AMN1: variants seen among roughly 807,000 people sequenced by gnomAD.
AMN1 encodes protein AMN1 homolog.
In AMN1, 20 loss-of-function variants were observed where a neutral mutation model predicts 33.0. That is an observed-to-expected ratio of 0.61 (90% confidence interval 0.43 to 0.88). AMN1 has a LOEUF of 0.88. Ranked by LOEUF, AMN1 falls within the 40% of genes least tolerant of loss-of-function variation. The pLI is 0.00. For synonymous variants in AMN1, 114 were observed against 111.9 expected (o/e 1.02, Z -0.12); for missense variants, 246 against 307.4 (o/e 0.80, Z 1.49).
intron 2 of AMN1, among the ~76,000 whole-genome samples, chr12:31,702,526 C>T (rs1939051386): frequency 1.3e-5 from 2 of 151,898 alleles, no homozygotes; most frequent in African/African-American, 4.8e-5. Context: ...TAGATTAATT[C>T]CTAAGCATTC....
chr12:31,671,606 T>C lies in AMN1; in HGVS notation c.*698A>G, dbSNP rs899513312. 2 of 152,328 alleles carry C rather than the reference T, an allele frequency of 1.3e-5. No homozygotes were observed. Among genetic ancestry groups the C allele is most frequent in the African/African-American group, 4.8e-5 (2 of 41,580 alleles). 9.4% of individuals were successfully genotyped at this position (152,328 alleles called of 1,614,324 possible). A position where few individuals can be genotyped will look rare whatever the true frequency, so the allele number is the denominator to read the frequency against. ...TGTAGTGATATTCTGTATTTACTCA[T>C]TTTTACACATTTTTGAATGCAATTT... On this transcript the variant is annotated 3_prime_UTR_variant, in exon 7 of 7. Coordinates refer to ENST00000281471, the MANE Select transcript of AMN1 (RefSeq NM_001113402.2).
intron 1 of AMN1, among the ~76,000 whole-genome samples, chr12:31,728,377 T>G (rs1940167179): frequency 6.6e-6 from 1 of 152,188 alleles, no homozygotes; most frequent in Non-Finnish European, 1.5e-5. Context: ...TTTAAATTTA[T>G]CCCTCAGGAC....
At chr12:31,728,852 C>G in intron 1 of AMN1, 119 bp downstream of exon 1, 1 of 1,194,860 alleles carries the variant, frequency 8.4e-7, no homozygotes, top group East Asian at 2.8e-5. Flanking sequence ...CACGCGGGGC[C>G]TCTTCAGAGG....
intron 6 of AMN1, among the ~76,000 whole-genome samples, chr12:31,676,708 A>G (rs1937723953): frequency 6.6e-6 from 1 of 151,682 alleles, no homozygotes; most frequent in Non-Finnish European, 1.5e-5. Context: ...AACATATATA[A>G]AATTTGTCTT....
intron 3 of AMN1, among the ~76,000 whole-genome samples, chr12:31,700,217 G>A (rs1490180719): frequency 2.0e-5 from 3 of 151,282 alleles, no homozygotes; most frequent in South Asian, 2.1e-4. Flanking sequence ...TAAAAAATTC[G>A]CAGTGGGTGG....
At chr12:31,700,755 T>C (rs2139693013) in intron 3 of AMN1, among the ~76,000 whole-genome samples, 1 of 152,216 alleles carries the variant, frequency 6.6e-6, no homozygotes, top group South Asian at 2.1e-4. Flanking sequence ...AGTGGCGCAA[T>C]CTCGGCTCAC....
chr12:31,704,676 G>A (rs1939148586), intron 2 of AMN1, among the ~76,000 whole-genome samples: 1 of 152,108 alleles, frequency 6.6e-6, no homozygotes, highest in Non-Finnish European at 1.5e-5. Context: ...GTGTCACTTT[G>A]TAATGGATGT....
At chr12:31,722,461 G>T (rs1174184829) in intron 1 of AMN1, among the ~76,000 whole-genome samples, 1 of 152,080 alleles carries the variant, frequency 6.6e-6, no homozygotes, top group Non-Finnish European at 1.5e-5. Flanking sequence ...TCCACTAAAA[G>T]AAATTTCTGA....
At chr12:31,680,403 G>C (rs1937952974) in intron 6 of AMN1, among the ~76,000 whole-genome samples, 1 of 152,044 alleles carries the variant, frequency 6.6e-6, no homozygotes, top group Non-Finnish European at 1.5e-5. Context: ...GTTTCACCAT[G>C]TTGGCCAAGC....
chr12:31,710,628 C>T (rs544221369), intron 1 of AMN1, among the ~76,000 whole-genome samples: 4 of 151,470 alleles, frequency 2.6e-5, no homozygotes, highest in African/African-American at 9.7e-5. Context: ...TTTCCTAAAA[C>T]GGCACCACAG....
rs1292348543 is a variant in AMN1 at position 31,701,991 on chromosome 12, A to T, written c.188T>A (p.Val63Asp). 6.3e-7 allele frequency: 1 copy of T among 1,599,112 alleles called. No individual in the cohort carries two copies. The change falls in exon 3 of 7, where the codon GTC becomes GAC. Residue 63 changes from valine (V) to aspartate (D), a missense_variant. Val to Asp is a radical substitution (Grantham distance 152). Transcript: ENST00000281471. ...SNISEILHPE[V>D]QTLDLRSCDI... Reference sequence around the variant, plus strand: ...GCAGCTCCGTAGATCTAGAGTTTGGACTTCAGGATGTAAAATCTATAACAA... The same window carrying T: ...GCAGCTCCGTAGATCTAGAGTTTGGTCTTCAGGATGTAAAATCTATAACAA...
chr12:31,689,059 A>T lies in AMN1; in HGVS notation c.651T>A (p.Thr217=). The T allele has an allele frequency of 6.2e-7, 1 of 1,613,744 alleles. No individual in the cohort carries two copies. Among genetic ancestry groups the T allele is most frequent in the Non-Finnish European group, 8.5e-7 (1 of 1,179,762 alleles). The part of the protein sequence containing the change: ...LTDGAVEAVL[T]YCPQIRILLF... ...GTAATATACGTATTTGAGGACAGTA[A>T]GTAAGGACAGCTTCGACAGCCCCAT... Residue 217 remains threonine (T), a synonymous_variant, in exon 6 of 7, where the codon ACT becomes ACA. Coordinates refer to ENST00000281471, the MANE Select transcript of AMN1 (RefSeq NM_001113402.2).
At chr12:31,688,108 C>T (rs1027646456) in intron 6 of AMN1, among the ~76,000 whole-genome samples, 9 of 152,138 alleles carry the variant, frequency 5.9e-5, no homozygotes, top group Non-Finnish European at 1.2e-4. Context: ...GTGCGCACCA[C>T]CACACCTGGC....
intron 6 of AMN1, 73 bp downstream of exon 6, chr12:31,688,932 GTT>G: frequency 1.1e-6 from 1 of 894,846 alleles, no homozygotes; most frequent in Non-Finnish European, 1.8e-6. Context: ...AATGAAATGG[GTT>G]AAGTAATGTA....
intron 1 of AMN1, among the ~76,000 whole-genome samples, chr12:31,724,552 C>A (rs563256069): frequency 4.3e-4 from 65 of 152,046 alleles, no homozygotes; most frequent in Non-Finnish European, 7.4e-4. Flanking sequence ...TATTTTTTTA[C>A]CATGGTTGAC....
chr12:31,677,346 A>T (rs1485107643), intron 6 of AMN1, among the ~76,000 whole-genome samples: 1 of 152,148 alleles, frequency 6.6e-6, no homozygotes, highest in Non-Finnish European at 1.5e-5. Flanking sequence ...AGACTGAAAA[A>T]GGGCTAACGG....
chr12:31,688,099 T>G (rs185700198), intron 6 of AMN1, among the ~76,000 whole-genome samples: 1 of 152,080 alleles, frequency 6.6e-6, no homozygotes, highest in Non-Finnish European at 1.5e-5. Context: ...GGATTACAGG[T>G]GCGCACCACC....
chr12:31,720,239 T>A (rs1007500906), intron 1 of AMN1, among the ~76,000 whole-genome samples: 2 of 152,166 alleles, frequency 1.3e-5, no homozygotes, highest in African/African-American at 4.8e-5. Context: ...AAAACTTATC[T>A]CTATTAAGAA....
chr12:31,685,602 A>G lies in AMN1; in HGVS notation c.703+3405T>C, dbSNP rs138174127. Among the ~76,000 whole-genome samples, 1,228 of 152,160 alleles carry G rather than the reference A, an allele frequency of 8.1e-3. 17 individuals are homozygous for G. The highest frequency in any genetic ancestry group is 0.028 in the African/African-American group (1,158 of 41,518). On this transcript the variant is annotated intron_variant, in intron 6 of 6. Transcript: ENST00000281471. Reference sequence around the variant, plus strand: ...GATCACCTGAGGTCAGGAGTTCGACAACAGCCTGGCCAACATGGTGAAACA... The same window carrying G: ...GATCACCTGAGGTCAGGAGTTCGACGACAGCCTGGCCAACATGGTGAAACA...
Sources: gnomAD v4.1 joint callset for allele counts (sites outside exome capture counted in the v4.1 genomes callset) on GRCh38, gnomAD v4.1.1 for gene constraint, MANE v1.5 for transcripts, NCBI Gene and HGNC (gene_info 2026-07-23, HGNC 2026-07-21) for gene names.